SHISA9: variants seen among roughly 807,000 people sequenced by gnomAD.
SHISA9 encodes protein shisa-9.
Under a neutral mutation model 38.0 loss-of-function variants are expected in SHISA9, and 13 were observed. The observed-to-expected ratio is 0.34, with a 90% CI of 0.22 to 0.54. The LOEUF is 0.54. Among genes scored for constraint, SHISA9 ranks in the 20% least tolerant of loss-of-function variants. SHISA9 has a pLI of 0.91. For missense variants in SHISA9, 538 were observed against 575.8 expected, an observed-to-expected ratio of 0.93 and a Z score of 0.67; for synonymous variants, 275 against 242.0, an observed-to-expected ratio of 1.14 and a Z score of -1.27.
At chr16:13,154,955 A>G (rs578079147) in intron 2 of SHISA9, among the ~76,000 whole-genome samples, 1 of 152,362 alleles carries the variant, frequency 6.6e-6, no homozygotes, top group Admixed American at 6.5e-5. Flanking sequence ...CTCTCTAGAC[A>G]TCACTCATGG....
At chr16:13,060,659 A>AAAAAC (rs1567198462) in intron 2 of SHISA9, among the ~76,000 whole-genome samples, 1 of 128,882 alleles carries the variant, frequency 7.8e-6, no homozygotes, top group Admixed American at 8.1e-5. Flanking sequence ...AAAAAAAAAA[A>AAAAAC]AACACTCAAA....
chr16:13,553,610 C>T, the SHISA9 span, among the ~76,000 whole-genome samples: 1 of 151,978 alleles, frequency 6.6e-6, no homozygotes, highest in African/African-American at 2.4e-5. Flanking sequence ...CACATGCTTT[C>T]ATTTGAGCAT....
At chr16:13,241,860 G>C (rs532209309), downstream of SHISA9, among the ~76,000 whole-genome samples, 2 of 152,242 alleles carry the variant, frequency 1.3e-5, no homozygotes, top group South Asian at 2.1e-4. Flanking sequence ...GAACACACAG[G>C]ATGCTCTTTC....
the SHISA9 span, among the ~76,000 whole-genome samples, chr16:13,381,327 G>T: frequency 3.3e-5 from 5 of 152,156 alleles, no homozygotes; most frequent in Non-Finnish European, 1.5e-5. Flanking sequence ...AAATGTATTT[G>T]TCTGTGGGAA....
chr16:13,296,292 G>C, the SHISA9 span, among the ~76,000 whole-genome samples: 1 of 151,536 alleles, frequency 6.6e-6, no homozygotes, highest in African/African-American at 2.4e-5. Flanking sequence ...TTCTGAAGGT[G>C]GGAAAATAAG....
chr16:13,300,172 C>T, the SHISA9 span, among the ~76,000 whole-genome samples: 3 of 152,094 alleles, frequency 2.0e-5, no homozygotes, highest in Admixed American at 6.5e-5. Flanking sequence ...AGCAGGCTCT[C>T]GCTCACTTTC....
At chr16:12,909,356 T>C (rs1200682499) in intron 1 of SHISA9, 2 of 985,284 alleles carry the variant, frequency 2.0e-6, no homozygotes, top group Non-Finnish European at 2.4e-6. Flanking sequence ...TTTTGAAAAA[T>C]AATTGATGCT....
At chr16:13,349,654 T>C in the SHISA9 span, among the ~76,000 whole-genome samples, 2 of 152,214 alleles carry the variant, frequency 1.3e-5, no homozygotes, top group South Asian at 4.1e-4. Context: ...ACTGAAAGCA[T>C]GAAACAACTG....
At chr16:13,027,857 G>A (rs2072942026) in intron 2 of SHISA9, among the ~76,000 whole-genome samples, 1 of 150,468 alleles carries the variant, frequency 6.6e-6, no homozygotes, top group Admixed American at 6.7e-5. Context: ...AACCCAGGAG[G>A]CGGAGGTTGT....
At chr16:13,008,973 C>G (rs75378715) in intron 2 of SHISA9, among the ~76,000 whole-genome samples, 11,412 of 152,076 alleles carry the variant, frequency 0.075, 592 homozygotes, top group Middle Eastern at 0.11. Context: ...CAAGAATCCA[C>G]AGTTCCAAAG....
chr16:12,986,147 C>A (rs2072305527), intron 2 of SHISA9, among the ~76,000 whole-genome samples: 1 of 152,126 alleles, frequency 6.6e-6, no homozygotes, highest in South Asian at 2.1e-4. Flanking sequence ...TGCTCATATA[C>A]AAACCCTCTT....
At chr16:13,163,334 T>C (rs1367942189) in intron 2 of SHISA9, among the ~76,000 whole-genome samples, 1 of 152,208 alleles carries the variant, frequency 6.6e-6, no homozygotes, top group Admixed American at 6.5e-5. Context: ...CTAAGCCAAC[T>C]TTATTCTACT....
chr16:13,498,863 C>T, the SHISA9 span, among the ~76,000 whole-genome samples: 1 of 152,296 alleles, frequency 6.6e-6, no homozygotes, highest in East Asian at 1.9e-4. Flanking sequence ...TTGGTTGTGC[C>T]AAGGAAAGGG....
intron 2 of SHISA9, among the ~76,000 whole-genome samples, chr16:13,117,865 G>A (rs766805786): frequency 1.3e-5 from 2 of 152,056 alleles, no homozygotes; most frequent in African/African-American, 4.8e-5. Flanking sequence ...CATATTATAG[G>A]TGCTTACTGA....
rs531609424 is a variant in SHISA9 at position 13,076,380 on chromosome 16, T to G, written c.692-127014T>G. On this transcript the variant is annotated intron_variant, in intron 2 of 4. Coordinates refer to ENST00000558583, the MANE Select transcript of SHISA9 (RefSeq NM_001145204.3). Reference sequence around the variant, plus strand: ...AGATGCTACTCTGCCTCTGCAAATATTCTAAATCTGAGCAGCTTTGAGGCA... The same window carrying G: ...AGATGCTACTCTGCCTCTGCAAATAGTCTAAATCTGAGCAGCTTTGAGGCA... Among the ~76,000 whole-genome samples the G allele has an allele frequency of 3.7e-4, 57 of 152,300 alleles. 1 individual carries two copies. In the Middle Eastern group the frequency reaches 0.014, roughly 36 times the overall value.
chr16:13,452,943 C>T, the SHISA9 span, among the ~76,000 whole-genome samples: 3 of 151,986 alleles, frequency 2.0e-5, no homozygotes, highest in African/African-American at 7.3e-5. Flanking sequence ...GAGTCTCACT[C>T]TGTCACCCAG....
chr16:13,008,997 G>T (rs1023736907), intron 2 of SHISA9, among the ~76,000 whole-genome samples: 2 of 152,066 alleles, frequency 1.3e-5, no homozygotes, highest in Non-Finnish European at 2.9e-5. Context: ...TTGTCAATCA[G>T]GGGAGAAGGA....
chr16:13,263,948 ACC>A, the SHISA9 span, among the ~76,000 whole-genome samples: 3 of 151,994 alleles, frequency 2.0e-5, no homozygotes, highest in Admixed American at 6.6e-5. Context: ...TTCCTTATAT[ACC>A]TGTTTCTTTT....
intron 4 of SHISA9, among the ~76,000 whole-genome samples, chr16:13,226,222 C>G (rs1022859107): frequency 3.3e-5 from 5 of 152,198 alleles, no homozygotes; most frequent in African/African-American, 1.2e-4. Context: ...AACAGGTTTT[C>G]ATGAAAACTG....
Sources: gnomAD v4.1 joint callset for allele counts (sites outside exome capture counted in the v4.1 genomes callset) on GRCh38, gnomAD v4.1.1 for gene constraint, MANE v1.5 for transcripts, NCBI Gene and HGNC (gene_info 2026-07-23, HGNC 2026-07-21) for gene names.